The following GRID2 variants were observed in gnomAD, a reference collection of about 807,000 sequenced individuals.
The protein encoded by GRID2 is glutamate ionotropic receptor delta type subunit 2, also known as glutamate receptor ionotropic, delta-2.
GRID2 carries 33 observed loss-of-function variants against 114.8 expected under a neutral mutation model. The ratio of observed to expected loss-of-function variants is 0.29; its 90% confidence interval spans 0.22 to 0.38. The LOEUF is 0.38. Among genes scored for constraint, GRID2 ranks in the 10% least tolerant of loss-of-function variants. The pLI is 1.00. For missense variants in GRID2, 1,184 were observed against 1,257.7 expected, an observed-to-expected ratio of 0.94 and a Z score of 0.89; for synonymous variants, 505 against 449.9, an observed-to-expected ratio of 1.12 and a Z score of -1.55.
At chr4:92,334,934 C>G (rs901302501) in intron 1 of GRID2, among the ~76,000 whole-genome samples, 1 of 152,190 alleles carries the variant, frequency 6.6e-6, no homozygotes, top group East Asian at 1.9e-4. Flanking sequence ...TGCCTGGAGC[C>G]TGCCCTCCCT....
intron 13 of GRID2, among the ~76,000 whole-genome samples, chr4:93,553,347 T>C (rs1733970727): frequency 6.6e-6 from 1 of 152,190 alleles, no homozygotes; most frequent in African/African-American, 2.4e-5. Context: ...TGGTATCTCA[T>C]TGTGGTTTTG....
chr4:93,158,651 A>G (rs1418558415), intron 4 of GRID2, among the ~76,000 whole-genome samples: 1 of 151,786 alleles, frequency 6.6e-6, no homozygotes. Flanking sequence ...ACCTACATCT[A>G]GGAATACAAC....
At chr4:92,662,861 ATTAT>A (rs1389605705) in intron 2 of GRID2, among the ~76,000 whole-genome samples, 2 of 151,188 alleles carry the variant, frequency 1.3e-5, no homozygotes, top group African/African-American at 4.8e-5. Flanking sequence ...TGTATACTAT[ATTAT>A]TTAATAAAAA....
chr4:92,577,773 G>T (rs1011467746), intron 1 of GRID2, among the ~76,000 whole-genome samples: 27 of 152,128 alleles, frequency 1.8e-4, no homozygotes, highest in African/African-American at 6.5e-4. Flanking sequence ...AATTACCATG[G>T]AATTAGGTGG....
chr4:93,502,883 C>A (rs774582598), intron 12 of GRID2, among the ~76,000 whole-genome samples: 3 of 151,948 alleles, frequency 2.0e-5, no homozygotes, highest in Non-Finnish European at 4.4e-5. Flanking sequence ...GGCTGGTGGG[C>A]TGCTTTTATT....
chr4:92,679,390 T>G (rs1733535999), intron 2 of GRID2, among the ~76,000 whole-genome samples: 1 of 152,072 alleles, frequency 6.6e-6, no homozygotes, highest in Non-Finnish European at 1.5e-5. Flanking sequence ...TTAGTCACCA[T>G]TTCTTCCTGC....
At chr4:92,687,520 G>T (rs765425498) in intron 2 of GRID2, among the ~76,000 whole-genome samples, 3 of 151,986 alleles carry the variant, frequency 2.0e-5, no homozygotes, top group Non-Finnish European at 4.4e-5. Context: ...ATAAAATGTA[G>T]ATATATTATT....
intron 1 of GRID2, among the ~76,000 whole-genome samples, chr4:92,567,050 A>T (rs1211621623): frequency 6.6e-6 from 1 of 152,062 alleles, no homozygotes; most frequent in Non-Finnish European, 1.5e-5. Context: ...TTAAAAGTTT[A>T]AAAATGATCA....
At chr4:92,456,639 A>T (rs1035751255) in intron 1 of GRID2, among the ~76,000 whole-genome samples, 6 of 152,156 alleles carry the variant, frequency 3.9e-5, no homozygotes, top group Admixed American at 1.3e-4. Context: ...TAATCTAAAA[A>T]GATCTAATCT....
At chr4:92,742,965 T>C (rs1403287130) in intron 2 of GRID2, among the ~76,000 whole-genome samples, 1 of 152,180 alleles carries the variant, frequency 6.6e-6, no homozygotes. Context: ...CAGACTAGTC[T>C]TATATGTATT....
chr4:92,453,619 T>C (rs1459997285), intron 1 of GRID2, among the ~76,000 whole-genome samples: 2 of 152,150 alleles, frequency 1.3e-5, no homozygotes, highest in Non-Finnish European at 2.9e-5. Context: ...TGTTTTAAAA[T>C]TTCCATGTAC....
intron 1 of GRID2, among the ~76,000 whole-genome samples, chr4:92,340,306 T>C (rs1290593439): frequency 6.6e-6 from 1 of 152,174 alleles, no homozygotes; most frequent in Non-Finnish European, 1.5e-5. Context: ...TTATTCCTGC[T>C]CAGTCCAATC....
intron 1 of GRID2, among the ~76,000 whole-genome samples, chr4:92,543,138 A>G (rs1726065569): frequency 6.6e-6 from 1 of 152,096 alleles, no homozygotes; most frequent in Non-Finnish European, 1.5e-5. Flanking sequence ...GGAGTCTAGG[A>G]GGAAAAGAAA....
At chr4:92,387,530 T>C (rs1223805266) in intron 1 of GRID2, among the ~76,000 whole-genome samples, 1 of 151,944 alleles carries the variant, frequency 6.6e-6, no homozygotes, top group Non-Finnish European at 1.5e-5. Flanking sequence ...CCTTTCCTAT[T>C]TGTCTAGAGT....
chr4:93,525,885 G>A (rs763719247), intron 13 of GRID2, among the ~76,000 whole-genome samples: 2 of 152,102 alleles, frequency 1.3e-5, no homozygotes, highest in Non-Finnish European at 1.5e-5. Flanking sequence ...ATGCATCTTT[G>A]TTTCCTGCTG....
chr4:92,892,062 T>G (rs1321702279), intron 2 of GRID2, among the ~76,000 whole-genome samples: 2 of 152,122 alleles, frequency 1.3e-5, no homozygotes, highest in East Asian at 3.9e-4. Flanking sequence ...GTTTTTTTTT[T>G]TGTTTTTGTT....
chr4:92,670,546 A>G (rs1733008986), intron 2 of GRID2, among the ~76,000 whole-genome samples: 1 of 152,050 alleles, frequency 6.6e-6, no homozygotes, highest in Non-Finnish European at 1.5e-5. Context: ...TACTTACTTT[A>G]TAAGGTTTTA....
chr4:92,749,134 T>C (rs1560570590), intron 2 of GRID2, among the ~76,000 whole-genome samples: 1 of 147,512 alleles, frequency 6.8e-6, no homozygotes, highest in East Asian at 2.1e-4. Flanking sequence ...GCTGGGACTA[T>C]AGGCGCGCAC....
chr4:92,778,712 T>G (rs533495632), intron 2 of GRID2, among the ~76,000 whole-genome samples: 2 of 152,200 alleles, frequency 1.3e-5, no homozygotes, highest in East Asian at 3.9e-4. Context: ...AGCTAACAGG[T>G]ATGAACATTG....
Sources: gnomAD v4.1 joint callset for allele counts (sites outside exome capture counted in the v4.1 genomes callset) on GRCh38, gnomAD v4.1.1 for gene constraint, MANE v1.5 for transcripts, NCBI Gene and HGNC (gene_info 2026-07-23, HGNC 2026-07-21) for gene names.